Variants in GABRB1 observed in about 807,000 individuals in gnomAD.
The protein encoded by GABRB1 is gamma-aminobutyric acid receptor subunit beta-1.
Under a neutral mutation model 51.6 loss-of-function variants are expected in GABRB1, and 17 were observed. That is an observed-to-expected ratio of 0.33 (90% CI 0.23 to 0.49). GABRB1 has a LOEUF of 0.49. Ranked by LOEUF, GABRB1 falls within the 20% of genes least tolerant of loss-of-function variation. GABRB1 has a pLI of 0.99. For missense variants in GABRB1, 410 were observed against 600.6 expected (o/e 0.68, Z 3.32); for synonymous variants, 247 against 218.9 (o/e 1.13, Z -1.14).
chr4:47,156,631 T>C (rs1717712738), intron 3 of GABRB1, among the ~76,000 whole-genome samples: 1 of 151,792 alleles, frequency 6.6e-6, no homozygotes, highest in African/African-American at 2.4e-5. Context: ...AATTTTCTTA[T>C]ACTATACCTT....
At chr4:47,135,021 A>T (rs1427781176) in intron 3 of GABRB1, among the ~76,000 whole-genome samples, 3 of 152,148 alleles carry the variant, frequency 2.0e-5, no homozygotes, top group African/African-American at 7.2e-5. Flanking sequence ...GATACTCAGA[A>T]GTCTCACTTG....
chr4:47,408,307 A>G (rs924148715), intron 8 of GABRB1, among the ~76,000 whole-genome samples: 4 of 152,172 alleles, frequency 2.6e-5, no homozygotes, highest in African/African-American at 9.7e-5. Context: ...CTGTGTGTTT[A>G]AATACTGAGA....
chr4:47,325,689 C>A (rs977985499), intron 5 of GABRB1, among the ~76,000 whole-genome samples: 2 of 152,164 alleles, frequency 1.3e-5, no homozygotes, highest in Non-Finnish European at 2.9e-5. Flanking sequence ...TGCTTTTCCC[C>A]ACCATAGTTC....
chr4:47,223,920 C>T (rs921362272), intron 4 of GABRB1, among the ~76,000 whole-genome samples: 2 of 152,118 alleles, frequency 1.3e-5, no homozygotes, highest in South Asian at 2.1e-4. Flanking sequence ...TCATAAATCT[C>T]TCCTTTCCAA....
chr4:47,371,854 A>G (rs1727210302), intron 5 of GABRB1, among the ~76,000 whole-genome samples: 1 of 152,094 alleles, frequency 6.6e-6, no homozygotes, highest in Non-Finnish European at 1.5e-5. Flanking sequence ...TGTCAGACGG[A>G]TAGATGGCAA....
At chr4:47,012,658 T>C (rs949944344) in intron 1 of GABRB1, among the ~76,000 whole-genome samples, 1 of 152,242 alleles carries the variant, frequency 6.6e-6, no homozygotes, top group East Asian at 1.9e-4. Flanking sequence ...ATGTTGTTTA[T>C]TCGTATGCAT....
intron 4 of GABRB1, among the ~76,000 whole-genome samples, chr4:47,249,942 G>A (rs1216319067): frequency 6.6e-6 from 1 of 152,128 alleles, no homozygotes; most frequent in African/African-American, 2.4e-5. Context: ...TTAGTATTGA[G>A]ATGTGAGGTA....
chr4:47,027,458 A>G (rs2109459350), upstream of GABRB1, among the ~76,000 whole-genome samples: 1 of 151,804 alleles, frequency 6.6e-6, no homozygotes, highest in South Asian at 2.1e-4. Flanking sequence ...TATAAATAAG[A>G]AGAGCTGAAA....
chr4:47,108,005 C>T (rs1715042593), intron 3 of GABRB1, among the ~76,000 whole-genome samples: 1 of 151,988 alleles, frequency 6.6e-6, no homozygotes, highest in African/African-American at 2.4e-5. Context: ...TATTAGGGAA[C>T]CAGTAATTGT....
intron 3 of GABRB1, among the ~76,000 whole-genome samples, chr4:47,040,823 A>G (rs1272809381): frequency 6.6e-6 from 1 of 152,184 alleles, no homozygotes; most frequent in Admixed American, 6.5e-5. Flanking sequence ...GAATAGAGTC[A>G]ACTTTAATTA....
chr4:47,014,696 A>G (rs554751371), intron 1 of GABRB1, among the ~76,000 whole-genome samples: 1 of 152,332 alleles, frequency 6.6e-6, no homozygotes, highest in African/African-American at 2.4e-5. Context: ...CTGAAAATAA[A>G]TATGATATAT....
intron 3 of GABRB1, among the ~76,000 whole-genome samples, chr4:47,150,310 T>TCACACA (rs36066411): frequency 5.1e-5 from 7 of 138,440 alleles, no homozygotes; most frequent in Admixed American, 2.2e-4. Flanking sequence ...TGAGAATCCA[T>TCACACA]CACACACACA....
chr4:47,192,633 A>G (rs984554176), intron 4 of GABRB1, among the ~76,000 whole-genome samples: 6 of 152,204 alleles, frequency 3.9e-5, no homozygotes, highest in Admixed American at 3.9e-4. Context: ...TAAATGGTAG[A>G]TACTTTGGAA....
chr4:47,006,436 C>A (rs1050859139), intron 1 of GABRB1, among the ~76,000 whole-genome samples: 1 of 152,142 alleles, frequency 6.6e-6, no homozygotes, highest in Non-Finnish European at 1.5e-5. Flanking sequence ...TAAGATGGAA[C>A]TATTTTCTTT....
intron 3 of GABRB1, among the ~76,000 whole-genome samples, chr4:47,050,678 T>G (rs1444712470): frequency 1.3e-5 from 2 of 152,146 alleles, no homozygotes; most frequent in East Asian, 3.9e-4. Context: ...TTTTCCTGGA[T>G]TTTCCCTGTT....
chr4:47,380,362 C>A (rs553863450), intron 5 of GABRB1, among the ~76,000 whole-genome samples: 271 of 152,274 alleles, frequency 1.8e-3, no homozygotes, highest in Non-Finnish European at 2.9e-3. Context: ...TTCCCAGGAG[C>A]ACTGACTGCT....
rs1301489235 is a variant in GABRB1 at position 47,426,198 on chromosome 4, A to AC, written c.*180_*181insC. On this transcript the variant is annotated 3_prime_UTR_variant, in exon 9 of 9. Coordinates refer to ENST00000295454, the MANE Select transcript of GABRB1 (RefSeq NM_000812.4). Reference sequence around the variant, plus strand: ...GTTTACTTCAAAAAGACAAAACAAAAAAAAAATTATTTTTCCAGTCTACCG... The same window carrying AC: ...GTTTACTTCAAAAAGACAAAACAAAACAAAAAATTATTTTTCCAGTCTACCG... 2.0e-6 allele frequency: 1 copy of AC among 490,732 alleles called. No individual in the cohort carries two copies. Among genetic ancestry groups the AC allele is most frequent in the African/African-American group, 2.0e-5 (1 of 50,412 alleles). The allele number at this position is 490,732 out of a possible 1,614,324, so 30.4% of individuals were successfully genotyped here. A position where few individuals can be genotyped will look rare whatever the true frequency, so the allele number is the denominator to read the frequency against.
intron 1 of GABRB1, among the ~76,000 whole-genome samples, chr4:47,018,150 T>C (rs949712019): frequency 7.3e-5 from 11 of 151,470 alleles, no homozygotes; most frequent in Admixed American, 2.6e-4. Flanking sequence ...TTCTTCCTTT[T>C]TCCTCCTCCT....
chr4:47,400,038 A>G (rs1402569525), intron 5 of GABRB1, among the ~76,000 whole-genome samples: 1 of 152,150 alleles, frequency 6.6e-6, no homozygotes, highest in African/African-American at 2.4e-5. Flanking sequence ...TCTTTCAGGA[A>G]TGCCCACTAT....
Sources: allele counts gnomAD v4.1 joint callset (sites outside exome capture counted in the v4.1 genomes callset), GRCh38; gene constraint gnomAD v4.1.1; transcripts MANE v1.5; gene names NCBI Gene and HGNC (gene_info 2026-07-23, HGNC 2026-07-21).